The following RMDN2 variants were observed in gnomAD, a reference collection of about 807,000 sequenced individuals.
RMDN2 encodes the protein regulator of microtubule dynamics 2.
Under a neutral mutation model 52.8 loss-of-function variants are expected in RMDN2, and 61 were observed. That is an observed-to-expected ratio of 1.16 (90% confidence interval 0.94 to 1.43). The LOEUF (loss-of-function observed/expected upper bound fraction) is 1.43, where lower values mean the gene tolerates loss of function less well. Ranked by LOEUF, RMDN2 falls within the 40% of genes most tolerant of loss-of-function variation. The pLI, the probability that RMDN2 is intolerant of heterozygous loss-of-function variation, is 0.00. For missense variants in RMDN2, 592 were observed against 475.3 expected (o/e 1.25, Z -2.28); for synonymous variants, 180 against 153.1 (o/e 1.18, Z -1.30).
intron 2 of RMDN2, among the ~76,000 whole-genome samples, chr2:37,956,677 T>C (rs1441015992): frequency 1.3e-5 from 2 of 152,022 alleles, no homozygotes; most frequent in African/African-American, 4.8e-5. Flanking sequence ...TTTATTATAC[T>C]TTTAAGTTCT....
chr2:38,034,489 A>G (rs1680440994), intron 10 of RMDN2, among the ~76,000 whole-genome samples: 1 of 152,192 alleles, frequency 6.6e-6, no homozygotes. Flanking sequence ...TAGTTAACCA[A>G]CCTTCAACCA....
intron 2 of RMDN2, among the ~76,000 whole-genome samples, chr2:37,935,776 C>T (rs1184886675): frequency 6.6e-6 from 1 of 151,944 alleles, no homozygotes; most frequent in East Asian, 1.9e-4. Flanking sequence ...GAGTTTTTTC[C>T]ATATTGATAT....
At chr2:38,024,646 A>G (rs979920796) in intron 10 of RMDN2, among the ~76,000 whole-genome samples, 5 of 152,160 alleles carry the variant, frequency 3.3e-5, no homozygotes, top group African/African-American at 1.2e-4. Context: ...TTTTGTATAT[A>G]GTTTGGAGTA....
Position 37,972,483 on chromosome 2 carries a change from G to C in RMDN2, c.453-1557G>C, listed in dbSNP as rs1671935377. 3.3e-5 allele frequency among the ~76,000 whole-genome samples: 5 copies of C among 152,180 alleles called. 1 individual carries two copies. Among genetic ancestry groups the C allele is most frequent in the Admixed American group, 3.3e-4 (5 of 15,278 alleles). On this transcript the variant is annotated intron_variant, in intron 2 of 10. Transcript: ENST00000354545. ...CAAGCAGGAAAGTGATAGAAGATAAGACCAGAGGTATTGGCCAGATTATGT... is the reference window on the plus strand; with the variant it reads ...CAAGCAGGAAAGTGATAGAAGATAACACCAGAGGTATTGGCCAGATTATGT...
intron 10 of RMDN2, among the ~76,000 whole-genome samples, chr2:38,050,342 C>T (rs1681513665): frequency 6.6e-6 from 1 of 151,092 alleles, no homozygotes; most frequent in South Asian, 2.1e-4. Context: ...CTAAGTATCC[C>T]CTATTAAAAA....
chr2:37,932,045 T>A (rs115319293), intron 2 of RMDN2, among the ~76,000 whole-genome samples: 1,704 of 151,940 alleles, frequency 0.011, 35 homozygotes, highest in African/African-American at 0.039. Context: ...ATACAAAAAA[T>A]TTATTTATTT....
chr2:38,007,292 C>T (rs187123580), intron 10 of RMDN2, among the ~76,000 whole-genome samples: 324 of 152,282 alleles, frequency 2.1e-3, no homozygotes, highest in African/African-American at 7.5e-3. Flanking sequence ...ACCAGCTCCT[C>T]CTTGTACCTC....
chr2:38,022,374 T>C (rs182162297), downstream of RMDN2, among the ~76,000 whole-genome samples: 96 of 152,312 alleles, frequency 6.3e-4, no homozygotes, highest in African/African-American at 2.3e-3. Flanking sequence ...CCACTCATGG[T>C]GCTTGACCTC....
At chr2:37,946,531 G>C in intron 2 of RMDN2, among the ~76,000 whole-genome samples, 1 of 152,198 alleles carries the variant, frequency 6.6e-6, no homozygotes, top group East Asian at 1.9e-4. Context: ...TTTAGCACAT[G>C]ATACATTATC....
downstream of RMDN2, among the ~76,000 whole-genome samples, chr2:38,018,914 A>G (rs1260200880): frequency 6.6e-6 from 1 of 152,188 alleles, no homozygotes; most frequent in Non-Finnish European, 1.5e-5. Flanking sequence ...ACACATTTAT[A>G]CACTTAAAAT....
Position 38,015,676 on chromosome 2 carries a change from G to T in RMDN2, c.1180-1510G>T, listed in dbSNP as rs72904065. On this transcript the variant is annotated intron_variant, in intron 10 of 10. Transcript: ENST00000354545. ...CCCATCTCAGAGGAAGCTGCACAGA[G>T]ATGTGATTCTGGAGAAAATCCTCAA... is the stretch of plus-strand genomic sequence containing the variant. 1.8e-3 allele frequency among the ~76,000 whole-genome samples: 275 copies of T among 152,304 alleles called. 3 individuals are homozygous for T. Among genetic ancestry groups the T allele is most frequent in the African/African-American group, 6.0e-3 (251 of 41,562 alleles).
chr2:38,050,596 G>A (rs1400678562), intron 10 of RMDN2, among the ~76,000 whole-genome samples: 1 of 152,122 alleles, frequency 6.6e-6, no homozygotes, highest in African/African-American at 2.4e-5. Context: ...CCATGGTTCA[G>A]TTTCCAATAG....
chr2:38,000,443 C>T (rs992926536), intron 8 of RMDN2, among the ~76,000 whole-genome samples: 6 of 152,204 alleles, frequency 3.9e-5, no homozygotes, highest in African/African-American at 1.4e-4. Flanking sequence ...TAACCACCAC[C>T]ATTTCAAGAT....
At chr2:38,045,547 C>G (rs886960856) in intron 10 of RMDN2, among the ~76,000 whole-genome samples, 1 of 152,144 alleles carries the variant, frequency 6.6e-6, no homozygotes, top group Non-Finnish European at 1.5e-5. Flanking sequence ...ATCCTCTTCC[C>G]AACCACCCTC....
chr2:38,009,224 T>C (rs1677577296), intron 10 of RMDN2, among the ~76,000 whole-genome samples: 1 of 152,250 alleles, frequency 6.6e-6, no homozygotes, highest in Non-Finnish European at 1.5e-5. Context: ...TGGCGTTCTC[T>C]GTATTTCCTG....
chr2:37,959,144 T>C (rs1338454685), intron 2 of RMDN2, among the ~76,000 whole-genome samples: 1 of 151,066 alleles, frequency 6.6e-6, no homozygotes, highest in Non-Finnish European at 1.5e-5. Context: ...CAGGTTTTGG[T>C]ATCAGGATGA....
At position 37,964,921 on chromosome 2, in the gene RMDN2, G is replaced by C. The variant is rs761047326; in HGVS notation, c.453-9119G>C. ...TTTGCTTCATATATTTAGGAAGGAT[G>C]ATGTTGAGTGCATTTAGTGTTATTG... On this transcript the variant is annotated intron_variant, in intron 2 of 10. Coordinates refer to ENST00000354545, the MANE Select transcript of RMDN2 (RefSeq NM_001170791.3). Among the ~76,000 whole-genome samples, 54 of 152,240 alleles carry C rather than the reference G, an allele frequency of 3.5e-4. No individual in the cohort carries two copies. In the Middle Eastern group the frequency reaches 0.024, roughly 67 times the overall value.
chr2:37,923,946 C>G (rs1666106809), upstream of RMDN2, among the ~76,000 whole-genome samples: 1 of 152,176 alleles, frequency 6.6e-6, no homozygotes, highest in South Asian at 2.1e-4. Flanking sequence ...GATGGTGTTT[C>G]ATCATATTGG....
chr2:38,031,513 T>G (rs1680203412), intron 10 of RMDN2, among the ~76,000 whole-genome samples: 1 of 152,086 alleles, frequency 6.6e-6, no homozygotes, highest in South Asian at 2.1e-4. Context: ...GAACTGTAAT[T>G]TACATTTCAT....
Sources: allele counts gnomAD v4.1 joint callset (sites outside exome capture counted in the v4.1 genomes callset), GRCh38; gene constraint gnomAD v4.1.1; transcripts MANE v1.5; gene names NCBI Gene and HGNC (gene_info 2026-07-23, HGNC 2026-07-21).